ALK: variants seen among roughly 807,000 people sequenced by gnomAD.
ALK encodes the protein ALK receptor tyrosine kinase, also known as ALK tyrosine kinase receptor.
A neutral mutation model predicts 163.1 loss-of-function variants in ALK; 74 were observed. The ratio of observed to expected loss-of-function variants is 0.45; its 90% CI spans 0.38 to 0.55. The LOEUF (loss-of-function observed/expected upper bound fraction) is 0.55, where lower values mean the gene tolerates loss of function less well. Ranked by LOEUF, ALK falls within the 20% of genes least tolerant of loss-of-function variation. The pLI, the probability that ALK is intolerant of heterozygous loss-of-function variation, is 0.00. For missense variants in ALK, 2,063 were observed against 2,105.3 expected (o/e 0.98, Z 0.39); for synonymous variants, 960 against 843.2 (o/e 1.14, Z -2.40).
At chr2:29,876,269 G>A (rs1432774409) in intron 1 of ALK, among the ~76,000 whole-genome samples, 1 of 150,456 alleles carries the variant, frequency 6.6e-6, no homozygotes. Flanking sequence ...CTCATTAAAT[G>A]TTAGCAGTGA....
chr2:29,331,913 T>C (rs1367640347), intron 5 of ALK, among the ~76,000 whole-genome samples: 2 of 152,150 alleles, frequency 1.3e-5, no homozygotes, highest in Non-Finnish European at 2.9e-5. Context: ...CTTTTTCTTA[T>C]GCCTTACCAC....
chr2:29,903,259 T>C (rs768572529), intron 1 of ALK, among the ~76,000 whole-genome samples: 1 of 152,198 alleles, frequency 6.6e-6, no homozygotes, highest in Non-Finnish European at 1.5e-5. Context: ...CCATTAAGAA[T>C]TGGGCAAGTG....
intron 1 of ALK, among the ~76,000 whole-genome samples, chr2:29,789,282 A>C (rs1003094210): frequency 6.6e-6 from 1 of 152,202 alleles, no homozygotes; most frequent in African/African-American, 2.4e-5. Flanking sequence ...CACTGAGCTT[A>C]TGATGGAAAA....
At chr2:29,358,357 C>T (rs1025327373) in intron 5 of ALK, among the ~76,000 whole-genome samples, 5 of 152,060 alleles carry the variant, frequency 3.3e-5, no homozygotes, top group African/African-American at 4.8e-5. Context: ...ATGTTCTGGC[C>T]TTAGCTGAAA....
chr2:29,789,015 C>CTGTGTGCGTGTGTG, intron 1 of ALK, among the ~76,000 whole-genome samples: 1 of 125,490 alleles, frequency 8.0e-6, no homozygotes, highest in Middle Eastern at 4.5e-3. Flanking sequence ...TCCTGGTACA[C>CTGTGTGCGTGTGTG]TGTGTGTGTG....
intron 3 of ALK, among the ~76,000 whole-genome samples, chr2:29,578,850 A>G (rs1311531444): frequency 3.9e-5 from 6 of 152,204 alleles, no homozygotes; most frequent in Admixed American, 3.9e-4. Flanking sequence ...CTGGGACTGC[A>G]TCTACCCTGG....
intron 1 of ALK, among the ~76,000 whole-genome samples, chr2:29,894,701 C>T (rs1281786616): frequency 6.6e-6 from 1 of 152,082 alleles, no homozygotes; most frequent in Non-Finnish European, 1.5e-5. Context: ...ATTAATGTTT[C>T]ATTCTTACTT....
intron 5 of ALK, among the ~76,000 whole-genome samples, chr2:29,332,346 C>G (rs1667469965): frequency 7.0e-6 from 1 of 143,036 alleles, no homozygotes; most frequent in East Asian, 2.1e-4. Context: ...CTCCCTCAAC[C>G]TCCTGAACAA....
chr2:29,386,607 AC>A (rs1669037840), intron 4 of ALK, among the ~76,000 whole-genome samples: 1 of 152,238 alleles, frequency 6.6e-6, no homozygotes. Context: ...TTCCAGGTAC[AC>A]AGCGGCCCTT....
intron 4 of ALK, among the ~76,000 whole-genome samples, chr2:29,451,889 G>T (rs1670828171): frequency 6.6e-6 from 1 of 152,202 alleles, no homozygotes; most frequent in Admixed American, 6.5e-5. Context: ...TGATGAATTT[G>T]TTCTATAGCT....
chr2:29,587,506 G>A (rs969103801), intron 3 of ALK, among the ~76,000 whole-genome samples: 5 of 152,178 alleles, frequency 3.3e-5, no homozygotes, highest in African/African-American at 1.2e-4. Flanking sequence ...CTAGTTGGAG[G>A]ATCCAAAGGT....
chr2:29,371,415 G>A (rs1668634519), intron 5 of ALK, among the ~76,000 whole-genome samples: 1 of 152,242 alleles, frequency 6.6e-6, no homozygotes, highest in African/African-American at 2.4e-5. Flanking sequence ...TTCAGCGTGA[G>A]CTTCCCACAG....
intron 1 of ALK, among the ~76,000 whole-genome samples, chr2:29,831,108 G>A (rs1291691302): frequency 0.024 from 608 of 25,432 alleles, 87 homozygotes; most frequent in African/African-American, 0.084. Flanking sequence ...GGAGGAGGAG[G>A]AGAAGAAGAA....
intron 1 of ALK, among the ~76,000 whole-genome samples, chr2:29,826,458 A>G (rs1194532352): frequency 6.6e-6 from 1 of 152,108 alleles, no homozygotes; most frequent in Non-Finnish European, 1.5e-5. Context: ...TAAAAAAAAA[A>G]AAAAAAGACA....
intron 19 of ALK, 106 bp downstream of exon 19, chr2:29,225,355 G>T (rs2148176022): frequency 9.5e-7 from 1 of 1,056,182 alleles, no homozygotes; most frequent in Non-Finnish European, 1.4e-6. Context: ...CAATTCCAGG[G>T]ACTAGCATAA....
At position 29,577,353 on chromosome 2, in the gene ALK, T is replaced by C. The variant is rs139022035; in HGVS notation, c.953-45237A>G. Among the ~76,000 whole-genome samples, 7 of 152,326 alleles carry C rather than the reference T, an allele frequency of 4.6e-5. No individual in the cohort carries two copies. The East Asian group carries it at 1.4e-3, about 29-fold the overall frequency. ...CGCTTAAAGCAGATGACATCTGTCA[T>C]GGTCCTTGTATGCTCTGCTCAGTCA... On this transcript the variant is annotated intron_variant, in intron 3 of 28. Transcript: ENST00000389048.
At chr2:29,412,932 C>T (rs908992307) in intron 4 of ALK, among the ~76,000 whole-genome samples, 3 of 152,184 alleles carry the variant, frequency 2.0e-5, no homozygotes, top group African/African-American at 7.2e-5. Flanking sequence ...GTCTCCTTGC[C>T]TTCAATGAAG....
intron 1 of ALK, among the ~76,000 whole-genome samples, chr2:29,794,646 C>G (rs1416710194): frequency 1.3e-5 from 2 of 152,048 alleles, no homozygotes; most frequent in Non-Finnish European, 2.9e-5. Context: ...ATTTTTGTAT[C>G]TCAGGGAACA....
chr2:29,889,802 A>G lies in ALK; in HGVS notation c.667+30191T>C, dbSNP rs113516204. ...AGGTGAGGTGCATAAAGGCCCTGTG[A>G]TGGACACAGACTCCAGTACTGCTAG... On this transcript the variant is annotated intron_variant, in intron 1 of 28. Coordinates refer to ENST00000389048, the MANE Select transcript of ALK (RefSeq NM_004304.5). Among the ~76,000 whole-genome samples, 933 of 151,362 alleles carry G rather than the reference A, an allele frequency of 6.2e-3. 5 individuals carry two copies. Among genetic ancestry groups the G allele is most frequent in the Middle Eastern group, 0.02 (6 of 294 alleles).
Sources: allele counts gnomAD v4.1 joint callset (sites outside exome capture counted in the v4.1 genomes callset), GRCh38; gene constraint gnomAD v4.1.1; transcripts MANE v1.5; gene names NCBI Gene and HGNC (gene_info 2026-07-23, HGNC 2026-07-21).